Variants in RYR2 observed in about 807,000 individuals in gnomAD.
The protein encoded by RYR2 is ryanodine receptor 2, also known as cardiac muscle ryanodine receptor-calcium release channel.
A neutral mutation model predicts 601.1 loss-of-function variants in RYR2; 227 were observed. The observed-to-expected ratio is 0.38, with a 90% CI of 0.34 to 0.42. RYR2 has a LOEUF of 0.42. Among genes scored for constraint, RYR2 ranks in the 10% least tolerant of loss-of-function variants. RYR2 has a pLI of 1.00. For synonymous variants in RYR2, 2,223 were observed against 2,175.1 expected, an observed-to-expected ratio of 1.02 and a Z score of -0.61; for missense variants, 4,646 against 6,156.5, an observed-to-expected ratio of 0.75 and a Z score of 8.21.
rs1671862886 is a variant in RYR2, at chr1:237,129,132, C to T, written c.48+86563C>T. On this transcript the variant is annotated intron_variant, in intron 1 of 104. Transcript: ENST00000366574. ...CCACCCCCACTACAACCTTCCCAGC[C>T]CAAGGCACTGCCTTCTCTCATCTGG... 2.6e-5 allele frequency among the ~76,000 whole-genome samples: 4 copies of T among 152,190 alleles called. No individual in the cohort carries two copies. In the South Asian group the frequency reaches 8.3e-4, roughly 32 times the overall value.
rs149091516 is a variant in RYR2 at position 237,188,063 on chromosome 1, C to CT, written c.49-82434_49-82433insT. On this transcript the variant is annotated intron_variant, in intron 1 of 104. Coordinates refer to ENST00000366574, the MANE Select transcript of RYR2 (RefSeq NM_001035.3). ...CAGCCAGCAGAATTGTCATCATCCC[C>CT]AGGCCTTGAGCAGCTAGTTTGAAAA... is the stretch of plus-strand genomic sequence containing the variant. Among the ~76,000 whole-genome samples, 913 of 152,330 alleles carry CT rather than the reference C, an allele frequency of 6.0e-3. 7 individuals are homozygous for CT. The highest frequency in any genetic ancestry group is 0.03 in the South Asian group (143 of 4,834).
intron 25 of RYR2, among the ~76,000 whole-genome samples, chr1:237,542,526 T>A (rs1669410182): frequency 6.6e-6 from 1 of 152,202 alleles, no homozygotes. Flanking sequence ...CATCTGACTT[T>A]GCTGTCTTCG....
intron 2 of RYR2, among the ~76,000 whole-genome samples, chr1:237,313,339 G>A (rs1174866514): frequency 6.6e-6 from 1 of 152,138 alleles, no homozygotes; most frequent in African/African-American, 2.4e-5. Context: ...GGATTTTGGG[G>A]AGATTTTCCT....
Position 237,819,325 on chromosome 1 carries a change from T to G in RYR2, c.14590+133T>G. The G allele has an allele frequency of 1.2e-6, 1 of 817,340 alleles. No individual in the cohort carries two copies. The highest frequency in any genetic ancestry group is 2.0e-6 in the Non-Finnish European group (1 of 505,036). The allele number at this position is 817,340 out of a possible 1,614,324, so 50.6% of individuals were successfully genotyped here. A position where few individuals can be genotyped will look rare whatever the true frequency, so the allele number is the denominator to read the frequency against. Reference sequence around the variant, plus strand: ...CCAAATCAAACTTTTCCTTCCAGTATTTCTTCATCATGCAATCTACCGGGG... The same window carrying G: ...CCAAATCAAACTTTTCCTTCCAGTAGTTCTTCATCATGCAATCTACCGGGG... On this transcript the variant is annotated intron_variant, in intron 101 of 104. Transcript: ENST00000366574. The surrounding 1 kb of genome is among the most constrained non-coding windows in gnomAD (Gnocchi z 4.0).
chr1:237,707,141 C>T lies in RYR2; in HGVS notation c.9773C>T (p.Pro3258Leu). Residue 3258 changes from proline (P) to leucine (L), a missense_variant, in exon 68 of 105, where the codon CCA becomes CTA. Transcript: ENST00000366574. ...RWWEHGPENN[P>L]ERAEMCCTAL... is the part of the protein sequence containing the mutation. ...TGGGAGCATGGACCTGAGAACAATC[C>T]AGAACGGGCCGAGATGTGCTGCACA... is the stretch of plus-strand genomic sequence containing the variant. 2 of 1,613,876 alleles carry T rather than the reference C, an allele frequency of 1.2e-6. No homozygotes were observed.
In RYR2 at chr1:237,498,557, T is replaced by C. The variant is rs539925580; in HGVS notation, c.2203+1805T>C. ...TGAAGCACGTGGACTTGTTTTCCCATTACACAGAGATTAGATGAAAAAAAA... is the reference window on the plus strand; with the variant it reads ...TGAAGCACGTGGACTTGTTTTCCCACTACACAGAGATTAGATGAAAAAAAA... On this transcript the variant is annotated intron_variant, in intron 20 of 104. Transcript: ENST00000366574. 7.2e-5 allele frequency among the ~76,000 whole-genome samples: 11 copies of C among 152,182 alleles called. No individual in the cohort carries two copies. The South Asian group carries it at 1.9e-3, about 26-fold the overall frequency.
Position 237,800,820 on chromosome 1 carries a change from A to G in RYR2, c.14091-1036A>G, listed in dbSNP as rs79946098. On this transcript the variant is annotated intron_variant, in intron 97 of 104. Transcript: ENST00000366574. ...ACTTTAGTATTTATCCATTCAACAT[A>G]TATGTATTTAGACATTCAGTGTGTG... Among the ~76,000 whole-genome samples, 1,413 of 152,314 alleles carry G rather than the reference A, an allele frequency of 9.3e-3. 26 individuals are homozygous for G. Among genetic ancestry groups the G allele is most frequent in the African/African-American group, 0.032 (1,350 of 41,564 alleles).
intron 8 of RYR2, among the ~76,000 whole-genome samples, chr1:237,381,596 A>G (rs1349351290): frequency 2.6e-5 from 4 of 152,230 alleles, no homozygotes; most frequent in African/African-American, 9.6e-5. Context: ...CTAATAGTGC[A>G]TGGGGTACAC....
chr1:237,793,468 A>G (rs772621644), intron 94 of RYR2, among the ~76,000 whole-genome samples: 1 of 152,246 alleles, frequency 6.6e-6, no homozygotes, highest in Non-Finnish European at 1.5e-5. Context: ...TCTCAAATAA[A>G]ACTGCACTTT....
At chr1:237,447,189 T>C (rs765190958) in intron 14 of RYR2, among the ~76,000 whole-genome samples, 2 of 152,226 alleles carry the variant, frequency 1.3e-5, no homozygotes, top group Non-Finnish European at 1.5e-5. Context: ...AATTTAATAC[T>C]AGACCAAAAA....
intron 12 of RYR2, among the ~76,000 whole-genome samples, chr1:237,435,880 G>A (rs1281511404): frequency 1.3e-5 from 2 of 152,158 alleles, no homozygotes; most frequent in Admixed American, 6.5e-5. Context: ...ATATAGGTTT[G>A]CTTAATGAGA....
intron 1 of RYR2, among the ~76,000 whole-genome samples, chr1:237,119,592 C>T (rs1351022041): frequency 1.3e-5 from 2 of 152,102 alleles, no homozygotes; most frequent in East Asian, 3.9e-4. Context: ...CCTACGATGG[C>T]CAGTTTGTTT....
intron 1 of RYR2, among the ~76,000 whole-genome samples, chr1:237,055,059 G>A (rs1661811196): frequency 6.6e-6 from 1 of 152,160 alleles, no homozygotes; most frequent in Non-Finnish European, 1.5e-5. Flanking sequence ...ACCTCTGTCG[G>A]ATCCTGTCAC....
chr1:237,603,702 A>G (rs1354156419), intron 35 of RYR2, among the ~76,000 whole-genome samples: 4 of 152,214 alleles, frequency 2.6e-5, no homozygotes, highest in South Asian at 2.1e-4. Flanking sequence ...AGAGACACAC[A>G]TATGCTCAAA....
intron 1 of RYR2, among the ~76,000 whole-genome samples, chr1:237,164,362 C>T (rs1020642669): frequency 2.0e-5 from 3 of 152,230 alleles, no homozygotes; most frequent in African/African-American, 7.2e-5. Flanking sequence ...AGAAATGCTA[C>T]TGTCGGCCAG....
At chr1:237,217,932 G>A (rs1558443996) in intron 1 of RYR2, among the ~76,000 whole-genome samples, 1 of 152,196 alleles carries the variant, frequency 6.6e-6, no homozygotes, top group African/African-American at 2.4e-5. Context: ...ATGGAGACAA[G>A]GGGATTAATA....
chr1:237,538,161 G>C (rs979422267), intron 25 of RYR2, among the ~76,000 whole-genome samples: 1 of 151,348 alleles, frequency 6.6e-6, no homozygotes, highest in Non-Finnish European at 1.5e-5. Context: ...AAGTCGAGGT[G>C]GGCAGATCAT....
chr1:237,485,235 T>C (rs1662555933), intron 17 of RYR2, among the ~76,000 whole-genome samples: 1 of 152,246 alleles, frequency 6.6e-6, no homozygotes. Flanking sequence ...TTAACAATTA[T>C]GAATCTTGTT....
intron 71 of RYR2, among the ~76,000 whole-genome samples, chr1:237,715,426 T>G (rs1376082179): frequency 6.6e-6 from 1 of 152,242 alleles, no homozygotes; most frequent in African/African-American, 2.4e-5. Flanking sequence ...TACTACTCTT[T>G]CCAGTTATAG....
Sources: gnomAD v4.1 joint callset for allele counts (sites outside exome capture counted in the v4.1 genomes callset) on GRCh38, gnomAD v4.1.1 for gene constraint, Gnocchi (gnomAD v3.1) non-coding constraint, MANE v1.5 for transcripts, NCBI Gene and HGNC (gene_info 2026-07-23, HGNC 2026-07-21) for gene names.